TMEM132D: variants seen among roughly 807,000 people sequenced by gnomAD.
TMEM132D encodes the protein transmembrane protein 132D.
A neutral mutation model predicts 62.3 loss-of-function variants in TMEM132D; 21 were observed. The observed-to-expected ratio is 0.34, with a 90% CI of 0.24 to 0.49. TMEM132D has a LOEUF of 0.49. Ranked by LOEUF, TMEM132D falls within the 20% of genes least tolerant of loss-of-function variation. The pLI is 0.99. For missense variants in TMEM132D, 1,346 were observed against 1,402.8 expected (o/e 0.96, Z 0.65); for synonymous variants, 621 against 575.6 (o/e 1.08, Z -1.13).
intron 1 of TMEM132D, among the ~76,000 whole-genome samples, chr12:129,718,747 G>T (rs936013040): frequency 2.0e-5 from 3 of 152,140 alleles, no homozygotes; most frequent in African/African-American, 7.2e-5. Context: ...CCTCTTACTA[G>T]CTGTGTAGCT....
intron 3 of TMEM132D, among the ~76,000 whole-genome samples, chr12:129,483,181 G>A (rs934994013): frequency 9.9e-5 from 15 of 152,172 alleles, no homozygotes; most frequent in Non-Finnish European, 1.0e-4. Context: ...TATCGTGAAC[G>A]TACAGTCTGC....
Position 129,255,798 on chromosome 12 carries a change from G to T in TMEM132D, c.1300-46135C>A, listed in dbSNP as rs191347094. On this transcript the variant is annotated intron_variant, in intron 4 of 8. Coordinates refer to ENST00000422113, the MANE Select transcript of TMEM132D (RefSeq NM_133448.3). ...CAAACAACACACTTGGAGAGAGAGG[G>T]GGAAAAACAGAGGAAGAGGGTTCTC... is the stretch of plus-strand genomic sequence containing the variant. Among the ~76,000 whole-genome samples, 7 of 152,270 alleles carry T rather than the reference G, an allele frequency of 4.6e-5. No individual in the cohort carries two copies. In the East Asian group the frequency reaches 9.7e-4, roughly 21 times the overall value.
chr12:129,466,100 CAAG>C (rs1413450499), intron 3 of TMEM132D, among the ~76,000 whole-genome samples: 4 of 152,040 alleles, frequency 2.6e-5, no homozygotes, highest in Admixed American at 6.6e-5. Context: ...ACATAACAAG[CAAG>C]AAGAAGTCAT....
At chr12:129,285,526 C>CAAAAAAAAAAAA (rs1555244565) in intron 4 of TMEM132D, among the ~76,000 whole-genome samples, 955 of 40,834 alleles carry the variant, frequency 0.023, 103 homozygotes, top group East Asian at 0.058. Flanking sequence ...GACTGTGTCT[C>CAAAAAAAAAAAA]AAAAAAAAAA....
intron 2 of TMEM132D, among the ~76,000 whole-genome samples, chr12:129,614,777 G>A (rs1022134724): frequency 2.6e-5 from 4 of 152,196 alleles, no homozygotes; most frequent in African/African-American, 7.2e-5. Context: ...GCACACCGGG[G>A]AATTCCAGCT....
At chr12:129,540,479 C>T (rs558898533) in intron 2 of TMEM132D, among the ~76,000 whole-genome samples, 1 of 149,844 alleles carries the variant, frequency 6.7e-6, no homozygotes, top group East Asian at 1.9e-4. Flanking sequence ...CTGATTCATT[C>T]AACAAACTTT....
At position 129,891,700 on chromosome 12, in the gene TMEM132D, G is replaced by C. The variant is rs926527907; in HGVS notation, c.79+11561C>G. Among the ~76,000 whole-genome samples the C allele has an allele frequency of 2.6e-5, 4 of 152,278 alleles. No homozygotes were observed. In the East Asian group the frequency reaches 7.7e-4, roughly 29 times the overall value. Reference sequence around the variant, plus strand: ...AAGATAATTATTTCTTATAATAGTAGAAAAGTATAAATTATGTAATTGTCC... The same window carrying C: ...AAGATAATTATTTCTTATAATAGTACAAAAGTATAAATTATGTAATTGTCC... On this transcript the variant is annotated intron_variant, in intron 1 of 8. Coordinates refer to ENST00000422113, the MANE Select transcript of TMEM132D (RefSeq NM_133448.3).
chr12:129,423,371 G>C (rs1872386032), intron 3 of TMEM132D, among the ~76,000 whole-genome samples: 2 of 152,144 alleles, frequency 1.3e-5, no homozygotes, highest in Non-Finnish European at 2.9e-5. Flanking sequence ...TGATAACTGT[G>C]CCTGCACTGC....
chr12:129,630,962 CTTTCTG>C (rs1383493346), intron 2 of TMEM132D, among the ~76,000 whole-genome samples: 1 of 152,076 alleles, frequency 6.6e-6, no homozygotes, highest in African/African-American at 2.4e-5. Flanking sequence ...AGGTACTTGG[CTTTCTG>C]TTTCTGCATT....
At chr12:129,507,460 CA>C (rs1056084529) in intron 3 of TMEM132D, among the ~76,000 whole-genome samples, 1 of 152,140 alleles carries the variant, frequency 6.6e-6, no homozygotes, top group African/African-American at 2.4e-5. Flanking sequence ...GGAACCAACC[CA>C]AATGATCATC....
intron 2 of TMEM132D, among the ~76,000 whole-genome samples, chr12:129,601,792 T>A (rs1351259682): frequency 6.6e-6 from 1 of 152,152 alleles, no homozygotes; most frequent in African/African-American, 2.4e-5. Flanking sequence ...ACATGAAATA[T>A]CACGGATCAC....
chr12:129,365,246 G>C (rs1871897), intron 3 of TMEM132D, among the ~76,000 whole-genome samples: 84,833 of 151,940 alleles, frequency 0.56, 25,227 homozygotes, highest in Admixed American at 0.66. Context: ...TCTGACCTGT[G>C]AACACTAAAA....
intron 5 of TMEM132D, among the ~76,000 whole-genome samples, chr12:129,135,388 C>T (rs1296619889): frequency 2.6e-5 from 4 of 152,102 alleles, no homozygotes; most frequent in Non-Finnish European, 5.9e-5. Flanking sequence ...TACATTGTTA[C>T]CCAGGTAACA....
intron 4 of TMEM132D, among the ~76,000 whole-genome samples, chr12:129,222,170 T>A (rs1485225761): frequency 6.6e-6 from 1 of 152,218 alleles, no homozygotes; most frequent in African/African-American, 2.4e-5. Flanking sequence ...CAAGATTTTA[T>A]GCTGCAGATC....
chr12:129,738,411 G>C (rs6486501), intron 1 of TMEM132D, among the ~76,000 whole-genome samples: 6,052 of 152,216 alleles, frequency 0.04, 168 homozygotes, highest in South Asian at 0.09. Context: ...AAAAAAGGAA[G>C]AAAGGAAGAG....
chr12:129,381,683 C>A lies in TMEM132D; in HGVS notation c.1116-43866G>T, dbSNP rs200104047. ...ACTCCTTTGTATTTCTGACTTTTTT[C>A]TTTTCTTTTTCCTTTCCTTTCTCTT... On this transcript the variant is annotated intron_variant, in intron 3 of 8. Transcript: ENST00000422113. 1.4e-4 allele frequency among the ~76,000 whole-genome samples: 20 copies of A among 142,660 alleles called. No individual in the cohort carries two copies. The East Asian group carries it at 3.2e-3, about 23-fold the overall frequency. The allele number at this position is 142,660 out of a possible 152,430, so 93.6% of individuals were successfully genotyped here. A position where few individuals can be genotyped will look rare whatever the true frequency, so the allele number is the denominator to read the frequency against.
intron 1 of TMEM132D, among the ~76,000 whole-genome samples, chr12:129,894,640 A>G (rs1386436951): frequency 1.3e-5 from 2 of 152,184 alleles, no homozygotes; most frequent in African/African-American, 4.8e-5. Context: ...TAAAACTATG[A>G]TTATTCATGA....
chr12:129,360,680 G>A (rs1870217146), intron 3 of TMEM132D, among the ~76,000 whole-genome samples: 1 of 152,170 alleles, frequency 6.6e-6, no homozygotes, highest in East Asian at 1.9e-4. Flanking sequence ...TTTGCAGCGG[G>A]AATGCTCTCT....
chr12:129,396,771 A>G (rs1166264634), intron 3 of TMEM132D, among the ~76,000 whole-genome samples: 1 of 152,214 alleles, frequency 6.6e-6, no homozygotes, highest in East Asian at 1.9e-4. Flanking sequence ...GGCATGTTTA[A>G]AGATGACTTT....
Sources: allele counts gnomAD v4.1 joint callset (sites outside exome capture counted in the v4.1 genomes callset), GRCh38; gene constraint gnomAD v4.1.1; transcripts MANE v1.5; gene names NCBI Gene and HGNC (gene_info 2026-07-23, HGNC 2026-07-21).